Variants in PLXNA2 observed in about 807,000 individuals in gnomAD.
PLXNA2 encodes plexin A2, also known as plexin-A2.
A neutral mutation model predicts 193.5 loss-of-function variants in PLXNA2; 91 were observed. The ratio of observed to expected loss-of-function variants is 0.47; its 90% CI spans 0.40 to 0.56. The LOEUF (loss-of-function observed/expected upper bound fraction) is 0.56. Ranked by LOEUF, PLXNA2 falls within the 20% of genes least tolerant of loss-of-function variation. The pLI is 0.00. For synonymous variants in PLXNA2, 997 were observed against 1,027.3 expected, an observed-to-expected ratio of 0.97 and a Z score of 0.56; for missense variants, 1,995 against 2,503.2, an observed-to-expected ratio of 0.80 and a Z score of 4.33.
chr1:208,195,817 G>C (rs548133399), intron 3 of PLXNA2, among the ~76,000 whole-genome samples: 1 of 151,938 alleles, frequency 6.6e-6, no homozygotes, highest in African/African-American at 2.4e-5. Flanking sequence ...ATGGTGGGGG[G>C]AGGTTGGGCA....
intron 3 of PLXNA2, among the ~76,000 whole-genome samples, chr1:208,155,145 C>T (rs916154755): frequency 2.4e-4 from 36 of 152,150 alleles, no homozygotes; most frequent in Non-Finnish European, 1.0e-4. Flanking sequence ...GAACCCCTTG[C>T]ATAGTGGCCG....
At position 208,034,536 on chromosome 1, in the gene PLXNA2, G is replaced by C; in HGVS notation, c.4821C>G (p.Ile1607Met). Reference sequence around the variant, plus strand: ...TCCGGGAGATGCTGGCAGAGGCAGGGATGTTGTAGGAGGAGGTCTGTTTGG... The same window carrying C: ...TCCGGGAGATGCTGGCAGAGGCAGGCATGTTGTAGGAGGAGGTCTGTTTGG... ...LVPKQTSSYN[I>M]PASASISRTS... Residue 1607 changes from isoleucine (I) to methionine (M), a missense_variant, in exon 27 of 32, where the codon ATC (isoleucine) becomes ATG (methionine). Transcript: ENST00000367033. 1.2e-6 allele frequency: 2 copies of C among 1,614,082 alleles called. No individual in the cohort carries two copies.
At chr1:208,120,008 C>T (rs79419398) in intron 4 of PLXNA2, among the ~76,000 whole-genome samples, 7,392 of 152,252 alleles carry the variant, frequency 0.049, 254 homozygotes, top group Non-Finnish European at 0.073. Flanking sequence ...TCCCCTGAGG[C>T]GCCTGGCTGA....
chr1:208,217,082 C>A lies in PLXNA2; in HGVS notation c.841G>T (p.Val281Leu), dbSNP rs745548805. The change falls in exon 2 of 32, where the codon GTG becomes TTG. Residue 281 changes from valine to leucine, a missense_variant. Transcript: ENST00000367033. The surrounding 1 kb of genome is among the most constrained non-coding windows in gnomAD (Gnocchi z 4.7). ...AGDLFYTSRI[V>L]RLCKDDPKFH... ...TTGGGGTCATCCTTGCAGAGCCGCA[C>A]GATGCGTGAGGTGTAGAAGAGGTCT... 6.2e-7 allele frequency: 1 copy of A among 1,614,074 alleles called. No individual in the cohort carries two copies.
chr1:208,073,795 C>T (rs1666048453), intron 12 of PLXNA2, among the ~76,000 whole-genome samples: 1 of 151,962 alleles, frequency 6.6e-6, no homozygotes, highest in Non-Finnish European at 1.5e-5. Context: ...GACAGACACA[C>T]ACACAGAGAT....
At chr1:208,120,845 G>T (rs1667785537) in intron 4 of PLXNA2, among the ~76,000 whole-genome samples, 1 of 152,150 alleles carries the variant, frequency 6.6e-6, no homozygotes, top group South Asian at 2.1e-4. Flanking sequence ...CAGAGAGATG[G>T]GAATCACCTT....
Position 208,217,761 on chromosome 1 carries a change from G to C in PLXNA2, c.162C>G (p.Thr54=). 2 of 1,614,174 alleles carry C rather than the reference G, an allele frequency of 1.2e-6. No homozygotes were observed. The highest frequency in any genetic ancestry group is 1.7e-5 in the Admixed American group (1 of 60,022). Residue 54 remains threonine (T), a synonymous_variant, in exon 2 of 32, where the codon ACC becomes ACG. Coordinates refer to ENST00000367033, the MANE Select transcript of PLXNA2 (RefSeq NM_025179.4). This position sits in a 1 kb window ranked among gnomAD's most constrained non-coding sequence, Gnocchi z 4.7. Reference sequence around the variant, plus strand: ...AGACGGCCCCCGTCCCTTGGTGGACGGTCAAGTGGTTGAAGGTCCAGTCAC... The same window carrying C: ...AGACGGCCCCCGTCCCTTGGTGGACCGTCAAGTGGTTGAAGGTCCAGTCAC... ...ENRDWTFNHL[T]VHQGTGAVYV... is the part of the protein sequence containing the mutation.
intron 1 of PLXNA2, among the ~76,000 whole-genome samples, chr1:208,243,066 T>G (rs1672112453): frequency 6.6e-6 from 1 of 152,110 alleles, no homozygotes; most frequent in South Asian, 2.1e-4. Context: ...TTAGACCCAT[T>G]CAGTGCCTAG....
chr1:208,149,215 TATGTGTATG>T (rs1305438492), intron 3 of PLXNA2, among the ~76,000 whole-genome samples: 2 of 152,068 alleles, frequency 1.3e-5, no homozygotes, highest in Non-Finnish European at 2.9e-5. Flanking sequence ...CTGTTGTGTG[TATGTGTATG>T]ATGTGTATGT....
intron 3 of PLXNA2, 132 bp downstream of exon 3, chr1:208,210,148 C>T (rs116598682): frequency 0.019 from 17,992 of 923,198 alleles, 248 homozygotes; most frequent in Non-Finnish European, 0.024. Context: ...TTCTTACCTC[C>T]CCATTTCACC....
Position 208,028,250 on chromosome 1 carries a change from G to C in PLXNA2, c.5439-91C>G. The stretch of plus-strand genomic sequence containing the variant: ...GCCCAGGTCCTTCGAGGGCACTGAT[G>C]TACCCAGTTGCTCCTGCCTCCCTAT... On this transcript the variant is annotated intron_variant, in intron 30 of 31. Transcript: ENST00000367033. This position sits in a 1 kb window ranked among gnomAD's most constrained non-coding sequence, Gnocchi z 4.2. 2 of 1,216,902 alleles carry C rather than the reference G, an allele frequency of 1.6e-6. No individual in the cohort carries two copies. Among genetic ancestry groups the C allele is most frequent in the South Asian group, 1.6e-5 (1 of 62,238 alleles). The allele number at this position is 1,216,902 out of a possible 1,614,324, so 75.4% of individuals were successfully genotyped here. A position where few individuals can be genotyped will look rare whatever the true frequency, so the allele number is the denominator to read the frequency against.
At chr1:208,127,480 T>C (rs1558206191) in intron 4 of PLXNA2, among the ~76,000 whole-genome samples, 1 of 152,200 alleles carries the variant, frequency 6.6e-6, no homozygotes, top group East Asian at 1.9e-4. Flanking sequence ...TTGTCACCAC[T>C]ACAATTGTCC....
At chr1:208,137,391 T>G (rs1224586850) in intron 4 of PLXNA2, among the ~76,000 whole-genome samples, 3 of 152,214 alleles carry the variant, frequency 2.0e-5, no homozygotes, top group Non-Finnish European at 4.4e-5. Flanking sequence ...TTTCTAGGAG[T>G]GGCCAGCCTG....
intron 3 of PLXNA2, among the ~76,000 whole-genome samples, chr1:208,154,268 C>T (rs376325868): frequency 6.6e-5 from 10 of 152,342 alleles, no homozygotes; most frequent in South Asian, 2.1e-4. Flanking sequence ...CGGATCTCAC[C>T]GCAGAGTGGG....
chr1:208,150,201 C>T (rs992865740), intron 3 of PLXNA2, among the ~76,000 whole-genome samples: 54 of 152,222 alleles, frequency 3.5e-4, no homozygotes, highest in Non-Finnish European at 6.2e-4. Context: ...CCCTTACACA[C>T]ACACGCACAT....
At chr1:208,031,816 G>T in intron 28 of PLXNA2, 57 bp from the exon 29 acceptor site, 5 of 1,424,286 alleles carry the variant, frequency 3.5e-6, no homozygotes, top group Non-Finnish European at 4.8e-6. Context: ...GTAGCAGACA[G>T]GCATACCAGA....
At chr1:208,108,487 G>A (rs769509902) in intron 4 of PLXNA2, among the ~76,000 whole-genome samples, 17 of 152,170 alleles carry the variant, frequency 1.1e-4, no homozygotes, top group Non-Finnish European at 2.5e-4. Context: ...TTTGCCAAGT[G>A]AGCCTGGGGA....
In PLXNA2 at chr1:208,093,532, C is replaced by T. The variant is rs75440837; in HGVS notation, c.1983-632G>A. 8.5e-3 allele frequency among the ~76,000 whole-genome samples: 1,297 copies of T among 152,244 alleles called. 23 individuals carry two copies. Among genetic ancestry groups the T allele is most frequent in the Admixed American group, 0.031 (473 of 15,296 alleles). ...TGAGATAATGCATAGAAAATGGTTT[C>T]GAAAAATGCCATGCTAAATGTGAGT... On this transcript the variant is annotated intron_variant, in intron 8 of 31. Coordinates refer to ENST00000367033, the MANE Select transcript of PLXNA2 (RefSeq NM_025179.4).
At chr1:208,210,222 G>T in intron 3 of PLXNA2, 58 bp downstream of exon 3, 1 of 1,564,484 alleles carries the variant, frequency 6.4e-7, no homozygotes, top group Non-Finnish European at 8.8e-7. Flanking sequence ...CCTTCCAAGA[G>T]GGACTCTTTG....
Sources: allele counts gnomAD v4.1 joint callset (sites outside exome capture counted in the v4.1 genomes callset), GRCh38; gene constraint gnomAD v4.1.1; non-coding constraint Gnocchi (gnomAD v3.1); transcripts MANE v1.5; gene names NCBI Gene and HGNC (gene_info 2026-07-23, HGNC 2026-07-21).